Variants in PITPNC1 observed in about 807,000 individuals in gnomAD.
PITPNC1 encodes phosphatidylinositol transfer protein cytoplasmic 1.
A neutral mutation model predicts 44.7 loss-of-function variants in PITPNC1; 18 were observed. That is an observed-to-expected ratio of 0.40 (90% confidence interval 0.28 to 0.60). The LOEUF is 0.60. PITPNC1 is among the 20% of genes least tolerant of loss of function. PITPNC1 has a pLI of 0.39. For missense variants in PITPNC1, 290 were observed against 418.4 expected, an observed-to-expected ratio of 0.69 and a Z score of 2.68; for synonymous variants, 141 against 149.6, an observed-to-expected ratio of 0.94 and a Z score of 0.42.
chr17:67,407,813 C>G (rs912673507), intron 1 of PITPNC1, among the ~76,000 whole-genome samples: 6 of 150,948 alleles, frequency 4.0e-5, no homozygotes, highest in African/African-American at 1.5e-4. Context: ...AAAAGAAAAA[C>G]AAAAAAAACT....
At chr17:67,536,346 C>T (rs776080560) in intron 2 of PITPNC1, among the ~76,000 whole-genome samples, 3 of 152,158 alleles carry the variant, frequency 2.0e-5, no homozygotes, top group Non-Finnish European at 4.4e-5. Flanking sequence ...GCCTTAGCCT[C>T]CCGAGTAGCT....
At chr17:67,394,087 C>T (rs1445109806) in intron 1 of PITPNC1, among the ~76,000 whole-genome samples, 3 of 152,260 alleles carry the variant, frequency 2.0e-5, no homozygotes, top group Non-Finnish European at 2.9e-5. Context: ...ATCCACCCAT[C>T]TCAGCTTCCC....
rs200469435 is a variant in PITPNC1 at position 67,657,156 on chromosome 17, G to GT, written c.463-12344dup. ...TGGTTCCCTTCCCCTCCCCACCCCC[G>GT]TTTTTTTTGTTTTGTTTTGTTTTGT... On this transcript the variant is annotated intron_variant, in intron 6 of 8. Transcript: ENST00000581322. 9.9e-3 allele frequency among the ~76,000 whole-genome samples: 1,453 copies of GT among 146,166 alleles called. 29 individuals carry two copies. The highest frequency in any genetic ancestry group is 0.035 in the African/African-American group (1,354 of 39,156).
At chr17:67,433,209 T>G (rs926624641) in intron 1 of PITPNC1, among the ~76,000 whole-genome samples, 2 of 152,142 alleles carry the variant, frequency 1.3e-5, no homozygotes, top group African/African-American at 4.8e-5. Flanking sequence ...TGGCAGTCAG[T>G]GCCAGGAAAG....
intron 1 of PITPNC1, among the ~76,000 whole-genome samples, chr17:67,426,423 C>T (rs2038766200): frequency 1.3e-5 from 2 of 152,248 alleles, no homozygotes; most frequent in South Asian, 2.1e-4. Flanking sequence ...GAATACTATA[C>T]AGCCATAAAA....
intron 1 of PITPNC1, among the ~76,000 whole-genome samples, chr17:67,495,040 G>GGTTTT (rs2039926593): frequency 6.2e-5 from 4 of 64,702 alleles, no homozygotes; most frequent in Non-Finnish European, 1.1e-4. Flanking sequence ...CCATGGAGTT[G>GGTTTT]TTTTTTTTTT....
intron 5 of PITPNC1, among the ~76,000 whole-genome samples, chr17:67,587,407 T>C (rs1218457245): frequency 1.1e-4 from 17 of 151,880 alleles, no homozygotes; most frequent in Admixed American, 1.1e-3. Flanking sequence ...GGTGGGAGGA[T>C]CGCTTGAGCC....
chr17:67,564,239 T>G (rs1458724928), intron 4 of PITPNC1, among the ~76,000 whole-genome samples: 1 of 152,002 alleles, frequency 6.6e-6, no homozygotes, highest in African/African-American at 2.4e-5. Flanking sequence ...CTCACATGAT[T>G]AGGGAAGCTG....
chr17:67,381,123 C>T (rs560628610), intron 1 of PITPNC1, among the ~76,000 whole-genome samples: 2 of 151,848 alleles, frequency 1.3e-5, no homozygotes, highest in South Asian at 2.1e-4. Flanking sequence ...GTCAGGAGAT[C>T]GAGACCATCC....
intron 1 of PITPNC1, among the ~76,000 whole-genome samples, chr17:67,416,752 A>T (rs1336475818): frequency 1.3e-5 from 2 of 152,190 alleles, no homozygotes; most frequent in South Asian, 2.1e-4. Flanking sequence ...AGAACAACTT[A>T]TATCAACAAT....
In PITPNC1 at chr17:67,692,582, G is replaced by A; in HGVS notation, c.693G>A (p.Met231Ile). 6.2e-7 allele frequency: 1 copy of A among 1,612,172 alleles called. No homozygotes were observed. The highest frequency in any genetic ancestry group is 8.5e-7 in the Non-Finnish European group (1 of 1,178,420). Residue 231 changes from methionine (M) to isoleucine (I), a missense_variant, in exon 9 of 9, where the codon ATG becomes ATA. Met to Ile is a conservative substitution (Grantham distance 10, BLOSUM62 1). Coordinates refer to ENST00000581322, the MANE Select transcript of PITPNC1 (RefSeq NM_012417.4). ...TTTTTCTCCTTGAAGACATGACAAT[G>A]GATGAAGTCCGAGAATTTGAACGAG... ...AWVDEWYDMT[M>I]DEVREFERAT...
At chr17:67,583,354 G>A (rs769223775) in intron 5 of PITPNC1, among the ~76,000 whole-genome samples, 4 of 152,062 alleles carry the variant, frequency 2.6e-5, no homozygotes, top group East Asian at 1.9e-4. Context: ...TTGGGAGGCC[G>A]AGGCGGGAGG....
chr17:67,515,481 A>G (rs1598765762), intron 1 of PITPNC1, among the ~76,000 whole-genome samples: 1 of 152,222 alleles, frequency 6.6e-6, no homozygotes, highest in Non-Finnish European at 1.5e-5. Flanking sequence ...GAAGTAGTAT[A>G]TATCACTTCA....
In PITPNC1 at chr17:67,597,766, A is replaced by G. The variant is rs1358804000; in HGVS notation, c.366+19509A>G. 6.6e-6 allele frequency among the ~76,000 whole-genome samples: 1 copy of G among 152,170 alleles called. No homozygotes were observed. The highest frequency in any genetic ancestry group is 6.5e-5 in the Admixed American group (1 of 15,276). ...TGGAAGGGACAGGTACTCTCATTGC[A>G]AGGCAGTGGGGTAGGCTCTATGGAG... is the stretch of plus-strand genomic sequence containing the variant. On this transcript the variant is annotated intron_variant, in intron 5 of 8. Coordinates refer to ENST00000581322, the MANE Select transcript of PITPNC1 (RefSeq NM_012417.4). This position sits in a 1 kb window ranked among gnomAD's most constrained non-coding sequence, Gnocchi z 4.0.
In PITPNC1 at chr17:67,507,683, CAAAAA is replaced by C. The variant is rs59838492; in HGVS notation, c.49-25098_49-25094del. Among the ~76,000 whole-genome samples, 310 of 79,492 alleles carry C rather than the reference CAAAAA, an allele frequency of 3.9e-3. 1 individual carries two copies. Among genetic ancestry groups the C allele is most frequent in the African/African-American group, 0.015 (277 of 18,838 alleles). 52.1% of individuals were successfully genotyped at this position (79,492 alleles called of 152,430 possible). A position where few individuals can be genotyped will look rare whatever the true frequency, so the allele number is the denominator to read the frequency against. ...TGGGTGACAGGGCAAGACTTGGTCTCAAAAAAAAAAAAAAAAAAAAAAAAAGAGTA... is the reference window on the plus strand; with the variant it reads ...TGGGTGACAGGGCAAGACTTGGTCTCAAAAAAAAAAAAAAAAAAAAGAGTA... On this transcript the variant is annotated intron_variant, in intron 1 of 8. Transcript: ENST00000581322.
At chr17:67,442,215 A>G (rs2039022901) in intron 1 of PITPNC1, among the ~76,000 whole-genome samples, 1 of 78,334 alleles carries the variant, frequency 1.3e-5, no homozygotes, top group African/African-American at 7.1e-5. Context: ...ATATATATAT[A>G]TATATATATA....
intron 1 of PITPNC1, among the ~76,000 whole-genome samples, chr17:67,495,351 C>A (rs1248873051): frequency 2.6e-5 from 4 of 152,114 alleles, no homozygotes; most frequent in African/African-American, 7.2e-5. Flanking sequence ...AGCCACCGCG[C>A]CCGGCCTCTG....
intron 1 of PITPNC1, among the ~76,000 whole-genome samples, chr17:67,430,581 G>A (rs2038841582): frequency 6.6e-6 from 1 of 152,152 alleles, no homozygotes; most frequent in African/African-American, 2.4e-5. Flanking sequence ...GCTCTAGAGG[G>A]TGGAAGCGGG....
At chr17:67,434,192 G>A (rs879532950) in intron 1 of PITPNC1, among the ~76,000 whole-genome samples, 7 of 152,198 alleles carry the variant, frequency 4.6e-5, no homozygotes, top group South Asian at 2.1e-4. Flanking sequence ...TTATGGCTCC[G>A]TAATGGTGAT....
Sources: allele counts gnomAD v4.1 joint callset (sites outside exome capture counted in the v4.1 genomes callset), GRCh38; gene constraint gnomAD v4.1.1; non-coding constraint Gnocchi (gnomAD v3.1); transcripts MANE v1.5; gene names NCBI Gene and HGNC (gene_info 2026-07-23, HGNC 2026-07-21).